Variants in SLC11A2 observed in about 807,000 individuals in gnomAD.
The protein encoded by SLC11A2 is natural resistance-associated macrophage protein 2.
A neutral mutation model predicts 68.0 loss-of-function variants in SLC11A2; 38 were observed. The ratio of observed to expected loss-of-function variants is 0.56; its 90% confidence interval spans 0.43 to 0.73. The LOEUF (loss-of-function observed/expected upper bound fraction) is 0.73, where lower values mean the gene tolerates loss of function less well. Among genes scored for constraint, SLC11A2 ranks in the 30% least tolerant of loss-of-function variants. The pLI, the probability that SLC11A2 is intolerant of heterozygous loss-of-function variation, is 0.00. For missense variants in SLC11A2, 517 were observed against 690.5 expected (o/e 0.75, Z 2.82); for synonymous variants, 242 against 250.6 (o/e 0.97, Z 0.32).
At chr12:50,971,454 T>C in the SLC11A2 span, among the ~76,000 whole-genome samples, 1 of 152,196 alleles carries the variant, frequency 6.6e-6, no homozygotes, top group Non-Finnish European at 1.5e-5. Context: ...AATACAAAGG[T>C]AAACTGCAAA....
At chr12:50,978,584 A>T (rs1939884856), downstream of SLC11A2, among the ~76,000 whole-genome samples, 1 of 104,270 alleles carries the variant, frequency 9.6e-6, no homozygotes, top group African/African-American at 3.0e-5. Context: ...TGGCACATGT[A>T]TACATATGTA....
the SLC11A2 span, among the ~76,000 whole-genome samples, chr12:50,959,281 G>A: frequency 1.3e-5 from 2 of 151,726 alleles, no homozygotes; most frequent in African/African-American, 4.8e-5. Context: ...CACCACGCCT[G>A]GCTAATTTTG....
At chr12:51,010,645 TA>T (rs1236269530) in intron 2 of SLC11A2, 49 bp downstream of exon 2, 1 of 1,028,730 alleles carries the variant, frequency 9.7e-7, no homozygotes. Flanking sequence ...GTTACCAACA[TA>T]AACCTAATTA....
chr12:50,953,828 G>A, the SLC11A2 span: 19 of 506,856 alleles, frequency 3.7e-5, no homozygotes, highest in South Asian at 9.1e-5. Flanking sequence ...GAAAAAATTC[G>A]GTAGTGAAAA....
chr12:51,010,335 T>A (rs915818793), intron 2 of SLC11A2, among the ~76,000 whole-genome samples: 1 of 152,020 alleles, frequency 6.6e-6, no homozygotes, highest in African/African-American at 2.4e-5. Context: ...CTGGCCAACA[T>A]GGCGAAACCC....
At chr12:51,027,353 G>A (rs919853816), upstream of SLC11A2, among the ~76,000 whole-genome samples, 1 of 151,730 alleles carries the variant, frequency 6.6e-6, no homozygotes, top group African/African-American at 2.4e-5. Context: ...AAAAAGGATA[G>A]CCACCTGGAA....
intron 1 of SLC11A2, among the ~76,000 whole-genome samples, chr12:51,016,313 G>A (rs1342922550): frequency 1.3e-5 from 2 of 151,796 alleles, no homozygotes; most frequent in African/African-American, 4.8e-5. Flanking sequence ...TTCGGAGGCT[G>A]AGGCAGGTAG....
chr12:51,001,587 A>C (rs1566008304), intron 5 of SLC11A2, among the ~76,000 whole-genome samples: 1 of 72,980 alleles, frequency 1.4e-5, no homozygotes. Flanking sequence ...TGCTTTCACA[A>C]AAAAAAAAAA....
chr12:50,986,710 A>G lies in SLC11A2; in HGVS notation c.*1615T>C, dbSNP rs557225035. 3.7e-5 allele frequency: 48 copies of G among 1,287,108 alleles called. 1 individual carries two copies. In the South Asian group the frequency reaches 5.4e-4, roughly 15 times the overall value. The allele number at this position is 1,287,108 out of a possible 1,614,324, so 79.7% of individuals were successfully genotyped here. ...TGGTAAGGGGAAGAGGCAGATATGA[A>G]GAGGAATGGTTAGGGGAATTGTCAT... On this transcript the variant is annotated 3_prime_UTR_variant, in exon 16 of 16. Coordinates refer to ENST00000262052, the MANE Select transcript of SLC11A2 (RefSeq NM_000617.3).
upstream of SLC11A2, chr12:51,026,452 T>A (rs1385846894): frequency 2.3e-6 from 2 of 861,592 alleles, no homozygotes; most frequent in South Asian, 1.4e-5. Context: ...TTGGCTGGAG[T>A]CCCTGCAGCG....
At chr12:50,968,389 T>TG in the SLC11A2 span, among the ~76,000 whole-genome samples, 2 of 151,832 alleles carry the variant, frequency 1.3e-5, no homozygotes, top group Non-Finnish European at 2.9e-5. Flanking sequence ...GATTCTTTTT[T>TG]TGTGTGTGTG....
chr12:51,013,548 G>A (rs1172265507), intron 1 of SLC11A2, among the ~76,000 whole-genome samples: 1 of 151,380 alleles, frequency 6.6e-6, no homozygotes, highest in Non-Finnish European at 1.5e-5. Context: ...ATATCATTAA[G>A]GCACTGGAAA....
At position 51,002,925 on chromosome 12, in the gene SLC11A2, G is replaced by A. The variant is rs931158673; in HGVS notation, c.429+1863C>T. Among the ~76,000 whole-genome samples the A allele has an allele frequency of 4.0e-5, 6 of 148,746 alleles. No homozygotes were observed. In the South Asian group the frequency reaches 1.1e-3, roughly 26 times the overall value. On this transcript the variant is annotated intron_variant, in intron 5 of 15. Coordinates refer to ENST00000262052, the MANE Select transcript of SLC11A2 (RefSeq NM_000617.3). ...ACTGTACTCCAGGCTGGGCAACAGA[G>A]TGAGACTCCATCTCAAAAATACCAA...
intron 1 of SLC11A2, among the ~76,000 whole-genome samples, chr12:51,011,178 G>GC (rs895253077): frequency 6.6e-6 from 1 of 151,582 alleles, no homozygotes; most frequent in African/African-American, 2.4e-5. Flanking sequence ...GCCCAGGCTG[G>GC]AGTGCAGTGG....
intron 1 of SLC11A2, chr12:51,025,987 G>A (rs1944357322): frequency 9.8e-7 from 1 of 1,021,482 alleles, no homozygotes; most frequent in Non-Finnish European, 1.2e-6. Context: ...CCCCGACACA[G>A]GCCGGGCGCG....
chr12:51,010,223 C>A (rs901976957), intron 2 of SLC11A2, among the ~76,000 whole-genome samples: 72 of 147,604 alleles, frequency 4.9e-4, no homozygotes, highest in Admixed American at 7.4e-4. Flanking sequence ...AAAAAAAAAA[C>A]ATTCTGTTTT....
the SLC11A2 span, among the ~76,000 whole-genome samples, chr12:50,973,566 C>A: frequency 6.6e-6 from 1 of 152,078 alleles, no homozygotes; most frequent in Non-Finnish European, 1.5e-5. Flanking sequence ...ACTGAAAATT[C>A]AAAAAATCAG....
At chr12:50,967,309 C>G in the SLC11A2 span, among the ~76,000 whole-genome samples, 1 of 152,004 alleles carries the variant, frequency 6.6e-6, no homozygotes, top group Non-Finnish European at 1.5e-5. Context: ...TCATGTCTGG[C>G]TAATTTTAAA....
At chr12:50,962,486 G>A in the SLC11A2 span, among the ~76,000 whole-genome samples, 3 of 151,912 alleles carry the variant, frequency 2.0e-5, no homozygotes, top group African/African-American at 4.8e-5. Flanking sequence ...GATCACTTAG[G>A]GTCAGGAGTT....
Sources: allele counts gnomAD v4.1 joint callset (sites outside exome capture counted in the v4.1 genomes callset), GRCh38; gene constraint gnomAD v4.1.1; transcripts MANE v1.5; gene names NCBI Gene and HGNC (gene_info 2026-07-23, HGNC 2026-07-21).